The following LRP2BP variants were observed in gnomAD, a reference collection of about 807,000 sequenced individuals.
The protein encoded by LRP2BP is LRP2 binding protein.
In LRP2BP, 38 loss-of-function variants were observed where a neutral mutation model predicts 45.2. That is an observed-to-expected ratio of 0.84 (90% CI 0.65 to 1.10). The LOEUF is 1.10. LRP2BP is among the 50% of genes least tolerant of loss of function. The pLI is 0.00. For synonymous variants in LRP2BP, 153 were observed against 153.9 expected, an observed-to-expected ratio of 0.99 and a Z score of 0.04; for missense variants, 385 against 418.9, an observed-to-expected ratio of 0.92 and a Z score of 0.71.
At chr4:185,388,343 C>A (rs2095477669) in intron 1 of LRP2BP, among the ~76,000 whole-genome samples, 1 of 145,334 alleles carries the variant, frequency 6.9e-6, no homozygotes, top group South Asian at 2.2e-4. Context: ...ATTAATTAAA[C>A]CTTTGATATA....
chr4:185,377,349 T>A (rs2095441534), intron 2 of LRP2BP: 1 of 218,792 alleles, frequency 4.6e-6, no homozygotes, highest in African/African-American at 2.2e-5. Flanking sequence ...AGAAACCCCG[T>A]CTCTACTAAA....
intron 3 of LRP2BP, among the ~76,000 whole-genome samples, chr4:185,376,255 T>C (rs1579988784): frequency 6.6e-6 from 1 of 152,274 alleles, no homozygotes; most frequent in Middle Eastern, 3.4e-3. Flanking sequence ...TCAATTATTA[T>C]TAATATGAAG....
At chr4:185,385,480 T>C (rs1232792903) in intron 1 of LRP2BP, among the ~76,000 whole-genome samples, 1 of 152,200 alleles carries the variant, frequency 6.6e-6, no homozygotes, top group Non-Finnish European at 1.5e-5. Context: ...TTGACCTCTG[T>C]CCTAGAGTAT....
At chr4:185,371,542 A>T (rs937475052) in intron 7 of LRP2BP, among the ~76,000 whole-genome samples, 2 of 7,670 alleles carry the variant, frequency 2.6e-4, no homozygotes, top group Admixed American at 2.6e-3. Flanking sequence ...ACTCCGTCTA[A>T]AAAAAAAAAA....
intron 6 of LRP2BP, 38 bp downstream of exon 6, chr4:185,374,097 T>G: frequency 1.3e-6 from 2 of 1,524,230 alleles, no homozygotes; most frequent in South Asian, 1.2e-5. Flanking sequence ...AATATTAATC[T>G]AAATATAACA....
At chr4:185,396,812 T>A, upstream of LRP2BP, 1 of 1,226,660 alleles carries the variant, frequency 8.2e-7, no homozygotes, top group Non-Finnish European at 1.2e-6. Flanking sequence ...CCCAGCGGTC[T>A]TTAAATTCTC....
chr4:185,371,518 G>A (rs1190738008), intron 7 of LRP2BP, among the ~76,000 whole-genome samples: 1 of 147,716 alleles, frequency 6.8e-6, no homozygotes, highest in Admixed American at 6.8e-5. Context: ...CTCCAGCCTG[G>A]GCAACAGAGC....
intron 1 of LRP2BP, among the ~76,000 whole-genome samples, chr4:185,386,802 G>T (rs2095473061): frequency 6.6e-6 from 1 of 152,196 alleles, no homozygotes; most frequent in South Asian, 2.1e-4. Context: ...CTAGCTAGTG[G>T]TGACAAGCTG....
chr4:185,396,124 G>A, upstream of LRP2BP: 1 of 154,796 alleles, frequency 6.5e-6, no homozygotes, highest in Non-Finnish European at 1.4e-5. Flanking sequence ...GCGTGCTGCG[G>A]CCTCTCCCCG....
rs2095425439 is a variant in LRP2BP, at chr4:185,374,171, C to T, written c.543G>A (p.Leu181=). The T allele has an allele frequency of 1.2e-6, 2 of 1,613,990 alleles. No individual in the cohort carries two copies. Among genetic ancestry groups the T allele is most frequent in the South Asian group, 1.1e-5 (1 of 91,072 alleles). Residue 181 remains leucine (L), a synonymous_variant, in exon 6 of 9, where the codon CTG becomes CTA. Coordinates refer to ENST00000505916, the MANE Select transcript of LRP2BP (RefSeq NM_001377440.1). The part of the protein sequence containing the change: ...ASVKAQSMLG[L]YYSTKEPKEL... ...CCTTGGGCTCCTTGGTTGAGTAATA[C>T]AGCCCGAGCATACTTTGAGCCTTCA...
At chr4:185,379,692 G>T (rs1305305069) in intron 1 of LRP2BP, among the ~76,000 whole-genome samples, 1 of 146,350 alleles carries the variant, frequency 6.8e-6, no homozygotes, top group Non-Finnish European at 1.5e-5. Context: ...TCATTATGAG[G>T]CTCGTTTAAC....
Position 185,363,967 on chromosome 4 carries a change from TCA to T in LRP2BP, c.*3211_*3212del, listed in dbSNP as rs2095377607. On this transcript the variant is annotated 3_prime_UTR_variant, in exon 9 of 9. Coordinates refer to ENST00000505916, the MANE Select transcript of LRP2BP (RefSeq NM_001377440.1). This position sits in a 1 kb window ranked among gnomAD's most constrained non-coding sequence, Gnocchi z 4.2. Reference sequence around the variant, plus strand: ...CAAAGCAATAAAATATAAAAATGAATCACAGTGCTCTATGATATTTAAGATAC... The same window carrying T: ...CAAAGCAATAAAATATAAAAATGAATCAGTGCTCTATGATATTTAAGATAC... The T allele has an allele frequency of 6.5e-6, 1 of 153,646 alleles. No homozygotes were observed. The highest frequency in any genetic ancestry group is 2.4e-5 in the African/African-American group (1 of 41,454). 9.5% of individuals were successfully genotyped at this position (153,646 alleles called of 1,614,324 possible).
rs2095497507 is a variant in LRP2BP at position 185,394,819 on chromosome 4, A to G, written c.-62T>C. The G allele has an allele frequency of 1.0e-5, 10 of 985,336 alleles. No homozygotes were observed. Among genetic ancestry groups the G allele is most frequent in the African/African-American group, 3.5e-5 (2 of 57,236 alleles). 61.0% of individuals were successfully genotyped at this position (985,336 alleles called of 1,614,324 possible). A position where few individuals can be genotyped will look rare whatever the true frequency, so the allele number is the denominator to read the frequency against. On this transcript the variant is annotated 5_prime_UTR_variant, in exon 1 of 9. The change abolishes an upstream ATG in the 5' untranslated region. Coordinates refer to ENST00000505916, the MANE Select transcript of LRP2BP (RefSeq NM_001377440.1). ...TTTTTTAACACTCGCTGTAAATGGC[A>G]TCCTCGTTCTGGAAACGCATCTACC...
chr4:185,375,500 ATATATATATATATATG>A lies in LRP2BP; in HGVS notation c.330+97_330+112del, dbSNP rs1280560276. On this transcript the variant is annotated intron_variant, in intron 4 of 8. Transcript: ENST00000505916. Reference sequence around the variant, plus strand: ...AAAAAAAAAAAAAATATATATATATATATATATATATATATGTATATATATATGTATTAAAATATAA... The same window carrying A: ...AAAAAAAAAAAAAATATATATATATATATATATATATGTATTAAAATATAA... The A allele has an allele frequency of 1.5e-3, 93 of 61,258 alleles. 1 individual carries two copies. The highest frequency in any genetic ancestry group is 0.011 in the East Asian group (28 of 2,450). 3.8% of individuals were successfully genotyped at this position (61,258 alleles called of 1,614,324 possible).
chr4:185,385,339 A>G (rs976641740), intron 1 of LRP2BP, among the ~76,000 whole-genome samples: 1 of 152,158 alleles, frequency 6.6e-6, no homozygotes, highest in Admixed American at 6.5e-5. Flanking sequence ...AGTAAAATAC[A>G]TGAGTAGAAT....
chr4:185,375,502 A>ATATATATG (rs2095433053), intron 4 of LRP2BP, 111 bp downstream of exon 4: 6 of 78,330 alleles, frequency 7.7e-5, no homozygotes, highest in African/African-American at 4.1e-4. Context: ...ATATATATAT[A>ATATATATG]TATATATATA....
intron 1 of LRP2BP, among the ~76,000 whole-genome samples, chr4:185,381,022 C>T (rs561421634): frequency 6.6e-6 from 1 of 152,286 alleles, no homozygotes; most frequent in East Asian, 1.9e-4. Flanking sequence ...AAGCCAAACA[C>T]ATCCATGTAA....
chr4:185,395,440 T>C lies in LRP2BP; in HGVS notation c.-683A>G, dbSNP rs959282728. The C allele has an allele frequency of 4.1e-6, 4 of 985,358 alleles. No homozygotes were observed. In the African/African-American group the frequency reaches 7.0e-5, roughly 17 times the overall value. 61.0% of individuals were successfully genotyped at this position (985,358 alleles called of 1,614,324 possible). A position where few individuals can be genotyped will look rare whatever the true frequency, so the allele number is the denominator to read the frequency against. ...ACGTGTTTTAAAAAGCAGTGCTTAT[T>C]GAATTGATAAACAAAAGCGAAACTG... On this transcript the variant is annotated 5_prime_UTR_variant, in exon 1 of 9. Coordinates refer to ENST00000505916, the MANE Select transcript of LRP2BP (RefSeq NM_001377440.1).
rs908292333 is a variant in LRP2BP at position 185,364,976 on chromosome 4, A to G, written c.*2204T>C. On this transcript the variant is annotated 3_prime_UTR_variant, in exon 9 of 9. Transcript: ENST00000505916. ...ATAAAATGTCATTTTTCCATGAGAT[A>G]TCAGCTACAAGGAATCTTAGAGAAG... 6.6e-6 allele frequency: 1 copy of G among 152,002 alleles called. No individual in the cohort carries two copies. The highest frequency in any genetic ancestry group is 2.4e-5 in the African/African-American group (1 of 41,332). The allele number at this position is 152,002 out of a possible 1,614,324, so 9.4% of individuals were successfully genotyped here.
Sources: gnomAD v4.1 joint callset for allele counts (sites outside exome capture counted in the v4.1 genomes callset) on GRCh38, gnomAD v4.1.1 for gene constraint, Gnocchi (gnomAD v3.1) non-coding constraint, MANE v1.5 for transcripts, NCBI Gene and HGNC (gene_info 2026-07-23, HGNC 2026-07-21) for gene names.